Variants in PPIL3 observed in about 807,000 individuals in gnomAD.
The protein encoded by PPIL3 is peptidyl-prolyl cis-trans isomerase-like 3.
In PPIL3, 13 loss-of-function variants were observed where a neutral mutation model predicts 20.9. That is an observed-to-expected ratio of 0.62 (90% CI 0.40 to 0.99). The LOEUF (loss-of-function observed/expected upper bound fraction) is 0.99, where lower values mean the gene tolerates loss of function less well. Among genes scored for constraint, PPIL3 ranks in the 50% least tolerant of loss-of-function variants. The pLI, the probability that PPIL3 is intolerant of heterozygous loss-of-function variation, is 0.00. For synonymous variants in PPIL3, 71 were observed against 64.4 expected, an observed-to-expected ratio of 1.10 and a Z score of -0.49; for missense variants, 170 against 195.2, an observed-to-expected ratio of 0.87 and a Z score of 0.77.
At chr2:200,881,828 G>T (rs1575109204) in intron 4 of PPIL3, 1 of 238,608 alleles carries the variant, frequency 4.2e-6, no homozygotes, top group Non-Finnish European at 8.0e-6. Flanking sequence ...GCACAATATT[G>T]TTCACATTTT....
At chr2:200,883,755 G>A (rs2039824622) in intron 3 of PPIL3, among the ~76,000 whole-genome samples, 1 of 152,040 alleles carries the variant, frequency 6.6e-6, no homozygotes, top group Non-Finnish European at 1.5e-5. Context: ...AGCCTTTCAC[G>A]AATAATGGGT....
intron 5 of PPIL3, among the ~76,000 whole-genome samples, chr2:200,880,474 C>T (rs899296407): frequency 6.9e-6 from 1 of 145,558 alleles, no homozygotes; most frequent in African/African-American, 2.7e-5. Flanking sequence ...GCCTTGATCT[C>T]CTGGGCTCAA....
intron 3 of PPIL3, among the ~76,000 whole-genome samples, chr2:200,883,651 C>T (rs550725227): frequency 3.9e-5 from 6 of 151,966 alleles, no homozygotes; most frequent in African/African-American, 1.4e-4. Context: ...CTTAATTTTC[C>T]TGCCCTGCTT....
intron 6 of PPIL3, among the ~76,000 whole-genome samples, chr2:200,873,308 G>A (rs2039381574): frequency 6.6e-6 from 1 of 150,806 alleles, no homozygotes; most frequent in Admixed American, 6.6e-5. Flanking sequence ...TTCTGCATCA[G>A]CCTCCCAAGC....
intron 6 of PPIL3, among the ~76,000 whole-genome samples, chr2:200,874,631 CAAT>C (rs2039446866): frequency 6.6e-6 from 1 of 151,954 alleles, no homozygotes; most frequent in Non-Finnish European, 1.5e-5. Flanking sequence ...AATAACTGAA[CAAT>C]AATTTTGAAT....
intron 4 of PPIL3, 124 bp downstream of exon 4, chr2:200,882,218 G>A (rs1231530592): frequency 4.3e-6 from 3 of 705,544 alleles, no homozygotes; most frequent in South Asian, 1.7e-5. Context: ...TGTACTTGTA[G>A]AACAGAACTT....
At chr2:200,889,256 A>T (rs2040105086), upstream of PPIL3, 1 of 346,748 alleles carries the variant, frequency 2.9e-6, no homozygotes. Context: ...GGGCAACCTC[A>T]AGCAATGCTT....
intron 6 of PPIL3, among the ~76,000 whole-genome samples, chr2:200,872,098 C>T (rs2039326518): frequency 6.6e-6 from 1 of 152,172 alleles, no homozygotes; most frequent in South Asian, 2.1e-4. Flanking sequence ...GATGCCAGTT[C>T]CAAGTCCCGA....
At chr2:200,884,001 C>G (rs1453245253) in intron 3 of PPIL3, among the ~76,000 whole-genome samples, 2 of 152,144 alleles carry the variant, frequency 1.3e-5, no homozygotes, top group Admixed American at 6.6e-5. Flanking sequence ...CTGAGCTCAC[C>G]TTAGCCTCCC....
intron 4 of PPIL3, chr2:200,881,852 A>C (rs1454389321): frequency 1.3e-5 from 3 of 233,980 alleles, no homozygotes; most frequent in Non-Finnish European, 2.5e-5. Context: ...GGTAGGTGCT[A>C]ATAATTTCTG....
Position 200,882,359 on chromosome 2 carries a change from T to A in PPIL3, c.155A>T (p.Gln52Leu). The change falls in exon 4 of 7, where the codon CAA becomes CTA. Residue 52 changes from glutamine to leucine, a missense_variant. Transcript: ENST00000392283. ...FHRNIKGFMVQTGDPTGTGRG... is the reference protein window; with the variant it reads ...FHRNIKGFMVLTGDPTGTGRG... ...TAACTTACCTGTTGGATCTCCTGTT[T>A]GAACCATGAAACCCTTGATATTCCT... 2 of 1,599,032 alleles carry A rather than the reference T, an allele frequency of 1.3e-6. No homozygotes were observed. Among genetic ancestry groups the A allele is most frequent in the Non-Finnish European group, 1.7e-6 (2 of 1,166,200 alleles).
At chr2:200,884,587 A>T (rs575021193) in intron 3 of PPIL3, among the ~76,000 whole-genome samples, 41 of 152,210 alleles carry the variant, frequency 2.7e-4, no homozygotes, top group African/African-American at 9.9e-4. Context: ...AAATTTAAAA[A>T]AAATTAGCCT....
chr2:200,871,499 G>A lies in PPIL3; in HGVS notation c.382C>T (p.Leu128=). The change falls in exon 7 of 7, where the codon CTA becomes TTA. Residue 128 remains leucine (L), a synonymous_variant. Transcript: ENST00000392283. ...ACTGGCAACTTCTCCAACTCATCTAGAGTTTCCAGACCATCTATTACCCTG... is the reference window on the plus strand; with the variant it reads ...ACTGGCAACTTCTCCAACTCATCTAAAGTTTCCAGACCATCTATTACCCTG... ...FGKVIDGLET[L]DELEKLPVNE... 6.2e-7 allele frequency: 1 copy of A among 1,612,872 alleles called. No homozygotes were observed. Among genetic ancestry groups the A allele is most frequent in the Non-Finnish European group, 8.5e-7 (1 of 1,179,146 alleles).
intron 2 of PPIL3, among the ~76,000 whole-genome samples, chr2:200,886,370 T>C (rs903968264): frequency 6.6e-6 from 1 of 152,170 alleles, no homozygotes; most frequent in Non-Finnish European, 1.5e-5. Context: ...TACCCCTTGA[T>C]ATGATACTGT....
Position 200,871,384 on chromosome 2 carries a change from G to A in PPIL3, c.*11C>T, listed in dbSNP as rs1221439844. 3.1e-6 allele frequency: 5 copies of A among 1,603,702 alleles called. No individual in the cohort carries two copies. The highest frequency in any genetic ancestry group is 1.3e-5 in the African/African-American group (1 of 74,362). ...GCAATTTGTCAAGTTATTTGTCCAG[G>A]TCTATCATAGCTACTGAGCAAATGG... On this transcript the variant is annotated 3_prime_UTR_variant, in exon 7 of 7. Coordinates refer to ENST00000392283, the MANE Select transcript of PPIL3 (RefSeq NM_130906.3).
chr2:200,877,009 G>A lies in PPIL3; in HGVS notation c.269C>T (p.Ala90Val). ...TCCATTGGTGTTCGGGCCATTATTA[G>A]CCATAGATACAACACCTCTAACATT... ...KHNVRGVVSM[A>V]NNGPNTNGSQ... The change falls in exon 6 of 7, where the codon GCT becomes GTT. Residue 90 changes from alanine to valine, a missense_variant. By Grantham distance (64) the Ala-to-Val change is moderately conservative (BLOSUM62 0). Coordinates refer to ENST00000392283, the MANE Select transcript of PPIL3 (RefSeq NM_130906.3). The A allele has an allele frequency of 6.2e-7, 1 of 1,612,856 alleles. No individual in the cohort carries two copies. Among genetic ancestry groups the A allele is most frequent in the African/African-American group, 1.3e-5 (1 of 75,006 alleles).
chr2:200,873,679 G>GT (rs760788027), intron 6 of PPIL3, among the ~76,000 whole-genome samples: 4 of 149,992 alleles, frequency 2.7e-5, no homozygotes, highest in Non-Finnish European at 5.9e-5. Context: ...CTAAGAAAGA[G>GT]TGGCTTTTGA....
At chr2:200,889,124 C>G, upstream of PPIL3, 1 of 455,432 alleles carries the variant, frequency 2.2e-6, no homozygotes, top group South Asian at 1.6e-5. Context: ...CTCCTTCCTC[C>G]CCTCATCTTC....
At chr2:200,884,598 G>C (rs1383908091) in intron 3 of PPIL3, among the ~76,000 whole-genome samples, 1 of 152,018 alleles carries the variant, frequency 6.6e-6, no homozygotes, top group Non-Finnish European at 1.5e-5. Flanking sequence ...AAATTAGCCT[G>C]GCATGGTGGC....
Sources: allele counts gnomAD v4.1 joint callset (sites outside exome capture counted in the v4.1 genomes callset), GRCh38; gene constraint gnomAD v4.1.1; transcripts MANE v1.5; gene names NCBI Gene and HGNC (gene_info 2026-07-23, HGNC 2026-07-21).